CCDC167: variants seen among roughly 807,000 people sequenced by gnomAD.
The protein encoded by CCDC167 is coiled-coil domain containing 167, also known as coiled-coil domain-containing protein 167.
In CCDC167, 15 loss-of-function variants were observed where a neutral mutation model predicts 12.7. That is an observed-to-expected ratio of 1.18 (90% CI 0.79 to 1.81). The LOEUF (loss-of-function observed/expected upper bound fraction) is 1.81, where lower values mean the gene tolerates loss of function less well. Among genes scored for constraint, CCDC167 ranks in the 40% most tolerant of loss-of-function variants. The pLI, the probability that CCDC167 is intolerant of heterozygous loss-of-function variation, is 0.00. For synonymous variants in CCDC167, 52 were observed against 49.0 expected, an observed-to-expected ratio of 1.06 and a Z score of -0.26; for missense variants, 121 against 120.1, an observed-to-expected ratio of 1.01 and a Z score of -0.03.
At chr6:37,494,805 A>AGTTTTTTT (rs760776521) in intron 1 of CCDC167, among the ~76,000 whole-genome samples, 1 of 115,218 alleles carries the variant, frequency 8.7e-6, no homozygotes, top group South Asian at 2.6e-4. Context: ...CTACCTACAA[A>AGTTTTTTT]TTTTTTTTTT....
chr6:37,485,207 C>T lies in CCDC167; in HGVS notation c.43-13G>A. 1 of 1,604,616 alleles carries T rather than the reference C, an allele frequency of 6.2e-7. No homozygotes were observed. Among genetic ancestry groups the T allele is most frequent in the Non-Finnish European group, 8.5e-7 (1 of 1,173,136 alleles). On this transcript the variant is annotated splice_polypyrimidine_tract_variant and intron_variant, in intron 1 of 3. Coordinates refer to ENST00000373408, the MANE Select transcript of CCDC167 (RefSeq NM_138493.3). ...CTAGCCCATCGATCTGAAACAAAGG[C>T]CACAGAGAGGTGGGCTGCCGAGGCT...
chr6:37,485,074 G>T, intron 2 of CCDC167, 26 bp downstream of exon 2: 1 of 1,590,314 alleles, frequency 6.3e-7, no homozygotes. Context: ...ATGGGGAAGG[G>T]TGGGGTGGCT....
chr6:37,484,163 T>A (rs1038371097), intron 3 of CCDC167, among the ~76,000 whole-genome samples: 1 of 152,220 alleles, frequency 6.6e-6, no homozygotes, highest in Non-Finnish European at 1.5e-5. Context: ...CCAGCGCTTC[T>A]GGGGGACTCC....
chr6:37,483,972 C>T (rs75904010), intron 3 of CCDC167, among the ~76,000 whole-genome samples: 38 of 152,254 alleles, frequency 2.5e-4, no homozygotes, highest in Middle Eastern at 3.4e-3. Flanking sequence ...GTGTGAAAAC[C>T]GCTAAACTTG....
At chr6:37,495,810 AT>A (rs1762090221) in intron 1 of CCDC167, among the ~76,000 whole-genome samples, 1 of 152,184 alleles carries the variant, frequency 6.6e-6, no homozygotes, top group African/African-American at 2.4e-5. Flanking sequence ...ATTAACAAAC[AT>A]TTTTGATTAA....
At chr6:37,498,974 G>A (rs928717431) in intron 1 of CCDC167, among the ~76,000 whole-genome samples, 2 of 152,160 alleles carry the variant, frequency 1.3e-5, no homozygotes, top group African/African-American at 4.8e-5. Context: ...TCACTAGTAA[G>A]CCTGAAGAAG....
intron 1 of CCDC167, among the ~76,000 whole-genome samples, chr6:37,498,908 C>T (rs914775084): frequency 6.6e-6 from 1 of 152,182 alleles, no homozygotes; most frequent in African/African-American, 2.4e-5. Context: ...GTTCAACTCT[C>T]CATTTTTAAC....
intron 2 of CCDC167, 73 bp from the exon 3 acceptor site, chr6:37,484,935 G>A: frequency 6.3e-7 from 1 of 1,588,110 alleles, no homozygotes; most frequent in Non-Finnish European, 8.6e-7. Context: ...TGGCATGCCA[G>A]TTGGCAGGGC....
At chr6:37,495,781 G>A (rs149427437) in intron 1 of CCDC167, among the ~76,000 whole-genome samples, 70 of 152,296 alleles carry the variant, frequency 4.6e-4, no homozygotes, top group African/African-American at 1.6e-3. Flanking sequence ...ACTTGTGGGG[G>A]TTTTATTGCA....
At chr6:37,494,804 A>ATTTTTTTTTTTTT (rs1561799989) in intron 1 of CCDC167, among the ~76,000 whole-genome samples, 94 of 44,868 alleles carry the variant, frequency 2.1e-3, no homozygotes, top group African/African-American at 0.015. Flanking sequence ...CCTACCTACA[A>ATTTTTTTTTTTTT]ATTTTTTTTT....
At chr6:37,488,071 C>T (rs982661646) in intron 1 of CCDC167, among the ~76,000 whole-genome samples, 2 of 152,210 alleles carry the variant, frequency 1.3e-5, no homozygotes, top group South Asian at 4.1e-4. Context: ...GGCCACAAAC[C>T]CATCCTCAGA....
intron 1 of CCDC167, among the ~76,000 whole-genome samples, chr6:37,498,125 C>T (rs908140420): frequency 6.6e-6 from 1 of 152,066 alleles, no homozygotes; most frequent in African/African-American, 2.4e-5. Flanking sequence ...TAGGGAAATT[C>T]GCAAATGTGG....
intron 1 of CCDC167, among the ~76,000 whole-genome samples, chr6:37,490,298 C>T (rs1347946433): frequency 6.6e-6 from 1 of 152,158 alleles, no homozygotes; most frequent in African/African-American, 2.4e-5. Context: ...CAGAGACCAG[C>T]AGTGGCTAAA....
intron 1 of CCDC167, among the ~76,000 whole-genome samples, chr6:37,486,543 G>C (rs1019602230): frequency 1.3e-5 from 2 of 152,188 alleles, no homozygotes; most frequent in African/African-American, 4.8e-5. Context: ...CCCGAGGGAG[G>C]CCTGGCAATG....
chr6:37,493,141 A>AC (rs1259371696), intron 1 of CCDC167, among the ~76,000 whole-genome samples: 1 of 151,758 alleles, frequency 6.6e-6, no homozygotes, highest in Non-Finnish European at 1.5e-5. Context: ...GCCTGGACAC[A>AC]CCCCCATGCC....
At chr6:37,491,919 C>A (rs139911428) in intron 1 of CCDC167, among the ~76,000 whole-genome samples, 1 of 152,190 alleles carries the variant, frequency 6.6e-6, no homozygotes, top group Non-Finnish European at 1.5e-5. Flanking sequence ...TGGGCAGCCA[C>A]GTCTGTGCCC....
rs753491069 is a variant in CCDC167 at position 37,483,291 on chromosome 6, T to G, written c.191-2A>C. 4.4e-6 allele frequency: 7 copies of G among 1,608,506 alleles called. No homozygotes were observed. The Admixed American group carries it at 1.2e-4, about 27-fold the overall frequency. ...GCCGAAGAAACTTCAGTTCCTTCTC[T>G]GGGAGGAAAGAGGGTGATAGGGATA... On this transcript the variant is annotated splice_acceptor_variant, in intron 3 of 3. Transcript: ENST00000373408. LOFTEE classifies it high-confidence loss of function.
At chr6:37,491,589 A>G (rs923111251) in intron 1 of CCDC167, among the ~76,000 whole-genome samples, 2 of 152,158 alleles carry the variant, frequency 1.3e-5, no homozygotes, top group Non-Finnish European at 2.9e-5. Context: ...AGACCTTCCA[A>G]TAAAGAGCGT....
At chr6:37,487,422 C>T (rs1761957753) in intron 1 of CCDC167, among the ~76,000 whole-genome samples, 1 of 152,224 alleles carries the variant, frequency 6.6e-6, no homozygotes, top group South Asian at 2.1e-4. Flanking sequence ...CAACTGGAGC[C>T]TGAAACCTCC....
Sources: gnomAD v4.1 joint callset for allele counts (sites outside exome capture counted in the v4.1 genomes callset) on GRCh38, gnomAD v4.1.1 for gene constraint, MANE v1.5 for transcripts, NCBI Gene and HGNC (gene_info 2026-07-23, HGNC 2026-07-21) for gene names.